PIAS2: variants seen among roughly 807,000 people sequenced by gnomAD.
The protein encoded by PIAS2 is E3 SUMO-protein ligase PIAS2.
Under a neutral mutation model 69.7 loss-of-function variants are expected in PIAS2, and 19 were observed. That is an observed-to-expected ratio of 0.27 (90% CI 0.19 to 0.40). PIAS2 has a LOEUF of 0.40. Among genes scored for constraint, PIAS2 ranks in the 10% least tolerant of loss-of-function variants. PIAS2 has a pLI of 1.00. For synonymous variants in PIAS2, 261 were observed against 263.2 expected (o/e 0.99, Z 0.08); for missense variants, 624 against 757.0 (o/e 0.82, Z 2.06).
intron 2 of PIAS2, among the ~76,000 whole-genome samples, chr18:46,867,033 A>G (rs566896761): frequency 1.3e-5 from 2 of 152,208 alleles, no homozygotes; most frequent in Non-Finnish European, 2.9e-5. Context: ...CATGTTGTAC[A>G]TGTATGTTCA....
chr18:46,803,512 T>A lies in PIAS2; in HGVS notation c.*8921A>T, dbSNP rs989971712. ...TCATCAACTCCTCTGGATGAGTTCA[T>A]CCACTTTCATAGTTTCAGTGCTACT... On this transcript the variant is annotated 3_prime_UTR_variant, in exon 14 of 14. Coordinates refer to ENST00000585916, the MANE Select transcript of PIAS2 (RefSeq NM_004671.5). 8 of 152,228 alleles carry A rather than the reference T, an allele frequency of 5.3e-5. No individual in the cohort carries two copies. Among genetic ancestry groups the A allele is most frequent in the African/African-American group, 1.9e-4 (8 of 41,466 alleles). 9.4% of individuals were successfully genotyped at this position (152,228 alleles called of 1,614,324 possible).
chr18:46,917,238 C>G, intron 1 of PIAS2, 84 bp downstream of exon 1: 1 of 1,409,750 alleles, frequency 7.1e-7, no homozygotes, highest in Non-Finnish European at 9.4e-7. Context: ...GAGGCACGAG[C>G]AGGCGGCGGC....
rs1042958304 is a variant in PIAS2 at position 46,808,246 on chromosome 18, T to C, written c.*4187A>G. 1 of 152,206 alleles carries C rather than the reference T, an allele frequency of 6.6e-6. No homozygotes were observed. The highest frequency in any genetic ancestry group is 1.5e-5 in the Non-Finnish European group (1 of 68,022). 9.4% of individuals were successfully genotyped at this position (152,206 alleles called of 1,614,324 possible). ...GTAGCAAAGACAATGGCAAGGAAGA[T>C]GCAAAAATATCAAGTGATTTTTTCT... On this transcript the variant is annotated 3_prime_UTR_variant, in exon 14 of 14. Transcript: ENST00000585916.
intron 2 of PIAS2, among the ~76,000 whole-genome samples, chr18:46,869,900 AC>A (rs891913578): frequency 6.6e-6 from 1 of 152,030 alleles, no homozygotes; most frequent in African/African-American, 2.4e-5. Context: ...ATCCTTCTTT[AC>A]CCCCTAAAAG....
In PIAS2 at chr18:46,821,041, C is replaced by A; in HGVS notation, c.1540G>T (p.Val514Leu). Residue 514 changes from valine to leucine, a missense_variant, in exon 12 of 14, where the codon GTG becomes TTG. Val to Leu is a conservative substitution (Grantham distance 32). Coordinates refer to ENST00000585916, the MANE Select transcript of PIAS2 (RefSeq NM_004671.5). ...GGATCAACCGAAGTCACACTGGGCA[C>A]CCTTACAGAAGATGGCTGATACATG... ...VLMYQPSSVR[V>L]PSVTSVDPAA... 2 of 1,613,444 alleles carry A rather than the reference C, an allele frequency of 1.2e-6. No homozygotes were observed. Among genetic ancestry groups the A allele is most frequent in the Non-Finnish European group, 8.5e-7 (1 of 1,179,582 alleles).
At chr18:46,882,034 T>C (rs1336926197) in intron 2 of PIAS2, among the ~76,000 whole-genome samples, 1 of 150,938 alleles carries the variant, frequency 6.6e-6, no homozygotes, top group African/African-American at 2.4e-5. Context: ...GAGGCAGAGG[T>C]TGCAGTGAGC....
At chr18:46,872,639 A>G (rs1440397505) in intron 2 of PIAS2, among the ~76,000 whole-genome samples, 1 of 152,230 alleles carries the variant, frequency 6.6e-6, no homozygotes, top group Non-Finnish European at 1.5e-5. Context: ...TGTGGAACCC[A>G]AGGTTAAGTA....
intron 8 of PIAS2, among the ~76,000 whole-genome samples, chr18:46,837,901 T>C (rs1281511225): frequency 6.6e-6 from 1 of 152,218 alleles, no homozygotes; most frequent in Admixed American, 6.5e-5. Flanking sequence ...TGAATCCTAC[T>C]GTCCTAGCAC....
intron 2 of PIAS2, among the ~76,000 whole-genome samples, chr18:46,869,014 A>G (rs2049921824): frequency 6.6e-6 from 1 of 152,220 alleles, no homozygotes; most frequent in Non-Finnish European, 1.5e-5. Context: ...TGGGGGTGAC[A>G]AAGTATTTCC....
At position 46,846,734 on chromosome 18, in the gene PIAS2, G is replaced by A; in HGVS notation, c.834C>T (p.Ser278=). 1 of 1,611,562 alleles carries A rather than the reference G, an allele frequency of 6.2e-7. No individual in the cohort carries two copies. Among genetic ancestry groups the A allele is most frequent in the Non-Finnish European group, 8.5e-7 (1 of 1,178,798 alleles). The part of the protein sequence containing the change: ...RLSSAVPNQI[S]ISWASEIGKN... Reference sequence around the variant, plus strand: ...TCCCAATTTCTGATGCCCAAGAAATGGAAATTTGGTTTGGCACAGCTGAAG... The same window carrying A: ...TCCCAATTTCTGATGCCCAAGAAATAGAAATTTGGTTTGGCACAGCTGAAG... Residue 278 remains serine, a synonymous_variant, in exon 6 of 14, where the codon TCC becomes TCT. Coordinates refer to ENST00000585916, the MANE Select transcript of PIAS2 (RefSeq NM_004671.5).
chr18:46,856,469 T>C (rs1164897800), intron 3 of PIAS2, among the ~76,000 whole-genome samples: 1 of 152,174 alleles, frequency 6.6e-6, no homozygotes, highest in Admixed American at 6.5e-5. Context: ...TTCATAATTA[T>C]GTATCCAATT....
chr18:46,909,437 G>A (rs556846996), intron 1 of PIAS2, among the ~76,000 whole-genome samples: 1 of 152,204 alleles, frequency 6.6e-6, no homozygotes, highest in East Asian at 1.9e-4. Flanking sequence ...TGGTAGAGAT[G>A]GGGTTTCACC....
intron 1 of PIAS2, among the ~76,000 whole-genome samples, chr18:46,906,956 A>T (rs2056690316): frequency 6.6e-6 from 1 of 152,260 alleles, no homozygotes; most frequent in Admixed American, 6.5e-5. Context: ...ACTGAATATA[A>T]TATTAAAAAA....
At chr18:46,856,213 G>C (rs960652021) in intron 3 of PIAS2, among the ~76,000 whole-genome samples, 1 of 151,912 alleles carries the variant, frequency 6.6e-6, no homozygotes, top group Non-Finnish European at 1.5e-5. Context: ...GTGTTAGCCA[G>C]GATGGTCTTG....
In PIAS2 at chr18:46,812,369, C is replaced by A; in HGVS notation, c.*64G>T. ...AAAAAAAAAAAAAAGAACGTTTCCA[C>A]AGACTAGAGATCCAAGAAAAAGCAG... is the stretch of plus-strand genomic sequence containing the variant. On this transcript the variant is annotated 3_prime_UTR_variant, in exon 14 of 14. Coordinates refer to ENST00000585916, the MANE Select transcript of PIAS2 (RefSeq NM_004671.5). 3 of 841,062 alleles carry A rather than the reference C, an allele frequency of 3.6e-6. No homozygotes were observed. Among genetic ancestry groups the A allele is most frequent in the East Asian group, 2.8e-5 (1 of 35,324 alleles). The allele number at this position is 841,062 out of a possible 1,614,324, so 52.1% of individuals were successfully genotyped here.
intron 1 of PIAS2, among the ~76,000 whole-genome samples, chr18:46,892,387 A>C (rs1176688286): frequency 6.6e-6 from 1 of 152,168 alleles, no homozygotes; most frequent in East Asian, 1.9e-4. Flanking sequence ...ATTAAATTGT[A>C]ATCCTGGCAA....
At chr18:46,836,544 C>T in intron 8 of PIAS2, 27 bp from the exon 9 acceptor site, 1 of 1,580,234 alleles carries the variant, frequency 6.3e-7, no homozygotes, top group South Asian at 1.2e-5. Flanking sequence ...ACAAGGAAAA[C>T]TATTTCAGAA....
At chr18:46,835,671 T>C (rs1330864815) in intron 9 of PIAS2, among the ~76,000 whole-genome samples, 1 of 152,200 alleles carries the variant, frequency 6.6e-6, no homozygotes, top group Non-Finnish European at 1.5e-5. Context: ...ATCATATGTA[T>C]ATATTAATAT....
chr18:46,812,371 G>A lies in PIAS2; in HGVS notation c.*62C>T. 2.2e-6 allele frequency: 2 copies of A among 891,308 alleles called. No homozygotes were observed. The highest frequency in any genetic ancestry group is 3.4e-6 in the Non-Finnish European group (2 of 589,472). The allele number at this position is 891,308 out of a possible 1,614,324, so 55.2% of individuals were successfully genotyped here. A position where few individuals can be genotyped will look rare whatever the true frequency, so the allele number is the denominator to read the frequency against. Reference sequence around the variant, plus strand: ...AAAAAAAAAAAAGAACGTTTCCACAGACTAGAGATCCAAGAAAAAGCAGTT... The same window carrying A: ...AAAAAAAAAAAAGAACGTTTCCACAAACTAGAGATCCAAGAAAAAGCAGTT... On this transcript the variant is annotated 3_prime_UTR_variant, in exon 14 of 14. Transcript: ENST00000585916.
Sources: gnomAD v4.1 joint callset for allele counts (sites outside exome capture counted in the v4.1 genomes callset) on GRCh38, gnomAD v4.1.1 for gene constraint, MANE v1.5 for transcripts, NCBI Gene and HGNC (gene_info 2026-07-23, HGNC 2026-07-21) for gene names.